Variants in GTF2I observed in about 807,000 individuals in gnomAD.
GTF2I encodes general transcription factor II-I.
GTF2I carries 12 observed loss-of-function variants against 67.6 expected under a neutral mutation model. That is an observed-to-expected ratio of 0.18 (90% CI 0.11 to 0.29). GTF2I has a LOEUF of 0.29. Among genes scored for constraint, GTF2I ranks in the 10% least tolerant of loss-of-function variants. The pLI is 1.00. For synonymous variants in GTF2I, 149 were observed against 197.0 expected (o/e 0.76, Z 2.04); for missense variants, 271 against 580.1 (o/e 0.47, Z 5.47).
At chr7:74,696,493 A>ATT (rs782445780) in intron 3 of GTF2I, among the ~76,000 whole-genome samples, 2 of 137,894 alleles carry the variant, frequency 1.5e-5, no homozygotes, top group Non-Finnish European at 3.2e-5. Context: ...CACTCGGCTA[A>ATT]TTTTTTTTTT....
At chr7:74,662,847 G>A (rs948048379) in intron 1 of GTF2I, among the ~76,000 whole-genome samples, 7 of 151,928 alleles carry the variant, frequency 4.6e-5, no homozygotes, top group African/African-American at 7.3e-5. Context: ...ATTTCTTTCC[G>A]GGGAAAATAA....
At chr7:74,658,913 G>T (rs1430582025) in intron 1 of GTF2I, among the ~76,000 whole-genome samples, 2 of 152,126 alleles carry the variant, frequency 1.3e-5, no homozygotes, top group East Asian at 3.9e-4. Flanking sequence ...CCCGCTCCCC[G>T]ACTTCTCCAC....
intron 1 of GTF2I, among the ~76,000 whole-genome samples, chr7:74,685,459 T>C (rs1554395193): frequency 6.6e-6 from 1 of 151,986 alleles, no homozygotes; most frequent in Non-Finnish European, 1.5e-5. Context: ...ATAGCGCCAT[T>C]GCACTTCAGC....
intron 1 of GTF2I, among the ~76,000 whole-genome samples, chr7:74,660,312 C>G (rs1428319743): frequency 4.7e-5 from 7 of 150,436 alleles, no homozygotes; most frequent in Non-Finnish European, 8.9e-5. Context: ...GCCTCAGTCT[C>G]CCCCGAGTAG....
chr7:74,727,335 G>T (rs1449075946), intron 12 of GTF2I: 1 of 152,190 alleles, frequency 6.6e-6, no homozygotes, highest in African/African-American at 2.4e-5. Flanking sequence ...ACACAGAAGT[G>T]TCTATAGAAG....
chr7:74,700,160 C>T, intron 4 of GTF2I, 87 bp from the exon 5 acceptor site: 2 of 1,312,842 alleles, frequency 1.5e-6, no homozygotes, highest in Admixed American at 2.1e-5. Context: ...ATCATGGATG[C>T]CCTTATTAAG....
intron 1 of GTF2I, among the ~76,000 whole-genome samples, chr7:74,674,702 C>T (rs1554391815): frequency 6.6e-6 from 1 of 151,482 alleles, no homozygotes; most frequent in African/African-American, 2.4e-5. Flanking sequence ...CCACGCTCAA[C>T]TAATTTTGCA....
intron 11 of GTF2I, among the ~76,000 whole-genome samples, chr7:74,718,316 C>G (rs1338209113): frequency 6.6e-6 from 1 of 152,094 alleles, no homozygotes; most frequent in Non-Finnish European, 1.5e-5. Context: ...CACTAACACT[C>G]TGATGTACAT....
At chr7:74,689,704 C>T (rs587661616) in intron 2 of GTF2I, among the ~76,000 whole-genome samples, 115 of 151,756 alleles carry the variant, frequency 7.6e-4, no homozygotes, top group African/African-American at 2.7e-3. Context: ...TTTCACATCA[C>T]AGTCATTCAT....
intron 3 of GTF2I, among the ~76,000 whole-genome samples, chr7:74,691,846 G>A (rs953351455): frequency 4.6e-5 from 7 of 151,046 alleles, no homozygotes; most frequent in East Asian, 3.9e-4. Flanking sequence ...GCACGATCTC[G>A]GCTCATTGCA....
intron 10 of GTF2I, chr7:74,716,641 A>G: frequency 8.2e-6 from 3 of 365,658 alleles, no homozygotes; most frequent in Non-Finnish European, 1.5e-5. Context: ...ATAGTAACTA[A>G]TATTAAATCC....
At chr7:74,722,356 A>G (rs782391856) in intron 12 of GTF2I, among the ~76,000 whole-genome samples, 2 of 152,200 alleles carry the variant, frequency 1.3e-5, no homozygotes, top group African/African-American at 2.4e-5. Context: ...TTTCGTAAAC[A>G]CCGTGACTAC....
At chr7:74,688,330 C>T (rs1047234577) in intron 1 of GTF2I, among the ~76,000 whole-genome samples, 7 of 152,182 alleles carry the variant, frequency 4.6e-5, no homozygotes, top group African/African-American at 1.2e-4. Flanking sequence ...CCACCTGCCT[C>T]GGCCTCCCAA....
chr7:74,672,740 T>C (rs1349529812), intron 1 of GTF2I, among the ~76,000 whole-genome samples: 1 of 152,110 alleles, frequency 6.6e-6, no homozygotes, highest in African/African-American at 2.4e-5. Flanking sequence ...TTTTCTAAGA[T>C]ACTATGTACA....
intron 1 of GTF2I, among the ~76,000 whole-genome samples, chr7:74,662,200 CT>C (rs1804556885): frequency 2.0e-5 from 2 of 99,914 alleles, no homozygotes; most frequent in Non-Finnish European, 3.9e-5. Context: ...TAGGTTTTTT[CT>C]TTCTTTTTTT....
chr7:74,662,058 C>T (rs1468669379), intron 1 of GTF2I, among the ~76,000 whole-genome samples: 4 of 152,012 alleles, frequency 2.6e-5, no homozygotes. Flanking sequence ...TGTGCTGAGT[C>T]TCCTCTGCCA....
intron 1 of GTF2I, among the ~76,000 whole-genome samples, chr7:74,684,373 A>G (rs1312374204): frequency 6.6e-6 from 1 of 152,198 alleles, no homozygotes; most frequent in Non-Finnish European, 1.5e-5. Flanking sequence ...TGCTGAACCC[A>G]TACACCAGCT....
At chr7:74,680,099 A>AATATATATATAT (rs1554393663) in intron 1 of GTF2I, among the ~76,000 whole-genome samples, 5 of 94,966 alleles carry the variant, frequency 5.3e-5, no homozygotes, top group African/African-American at 2.0e-4. Context: ...AAAAAAAAAA[A>AATATATATATAT]ATATATATAT....
At chr7:74,697,032 A>T (rs587730245) in intron 3 of GTF2I, among the ~76,000 whole-genome samples, 2 of 152,324 alleles carry the variant, frequency 1.3e-5, no homozygotes, top group South Asian at 4.1e-4. Context: ...AAAGAAAAAC[A>T]AGTGAAATTC....
Sources: allele counts gnomAD v4.1 joint callset (sites outside exome capture counted in the v4.1 genomes callset), GRCh38; gene constraint gnomAD v4.1.1; transcripts MANE v1.5; gene names NCBI Gene and HGNC (gene_info 2026-07-23, HGNC 2026-07-21).